FRMPD2: variants seen among roughly 807,000 people sequenced by gnomAD.
The protein encoded by FRMPD2 is FERM and PDZ domain-containing protein 2.
FRMPD2 carries 96 observed loss-of-function variants against 140.1 expected under a neutral mutation model. The observed-to-expected ratio is 0.69, with a 90% CI of 0.58 to 0.81. The LOEUF is 0.81. FRMPD2 is among the 40% of genes least tolerant of loss of function. The probability of loss-of-function intolerance (pLI) is 0.00; values close to 1 mark genes in which losing one functional copy is unlikely to be tolerated. For missense variants in FRMPD2, 1,240 were observed against 1,447.4 expected (o/e 0.86, Z 2.32); for synonymous variants, 449 against 547.6 (o/e 0.82, Z 2.52).
chr10:48,213,921 A>G (rs558428573), intron 12 of FRMPD2, among the ~76,000 whole-genome samples: 2 of 152,320 alleles, frequency 1.3e-5, no homozygotes, highest in East Asian at 1.9e-4. Context: ...GTCATATCCA[A>G]CTAAATCAGA....
chr10:48,249,267 A>G (rs1840323743), intron 2 of FRMPD2, 89 bp from the exon 3 acceptor site: 7 of 1,308,988 alleles, frequency 5.3e-6, no homozygotes, highest in African/African-American at 1.5e-5. Flanking sequence ...GCCTGGCAGT[A>G]CCCATCTCTG....
chr10:48,224,304 C>A (rs1839674923), intron 10 of FRMPD2, among the ~76,000 whole-genome samples: 1 of 152,192 alleles, frequency 6.6e-6, no homozygotes, highest in Non-Finnish European at 1.5e-5. Context: ...ACCACACACT[C>A]AAAGTGGCTC....
Position 48,240,386 on chromosome 10 carries a change from G to A in FRMPD2, c.674C>T (p.Ala225Val), listed in dbSNP as rs1226957209. Residue 225 changes from alanine (A) to valine (V), a missense_variant, in exon 6 of 29, where the codon GCC (alanine) becomes GTC (valine). By Grantham distance (64) the Ala-to-Val change is moderately conservative. Around this residue, in one of 6 missense-constraint regions of FRMPD2, gnomAD observed 1,161 missense variants for 1,055.9 expected, o/e 1.10. Coordinates refer to ENST00000374201, the MANE Select transcript of FRMPD2 (RefSeq NM_001018071.4). ...TCTGCAAGGATGCAGACACTCCGGG[G>A]CCTGTGCCGCTGGGCTCTCGCTGCT... ...GTSSESPAAQ[A>V]PECLHPCRVS... is the part of the protein sequence containing the mutation. 9 of 1,612,818 alleles carry A rather than the reference G, an allele frequency of 5.6e-6. No individual in the cohort carries two copies. Among genetic ancestry groups the A allele is most frequent in the Non-Finnish European group, 7.6e-6 (9 of 1,180,048 alleles).
chr10:48,188,413 T>C (rs1219824462), intron 16 of FRMPD2, among the ~76,000 whole-genome samples: 2 of 152,152 alleles, frequency 1.3e-5, no homozygotes, highest in Non-Finnish European at 2.9e-5. Flanking sequence ...TGGCGACAGA[T>C]GAGGCCTCAC....
intron 5 of FRMPD2, 86 bp downstream of exon 5, chr10:48,242,075 T>C (rs1840127216): frequency 2.1e-6 from 2 of 942,400 alleles, no homozygotes; most frequent in African/African-American, 1.7e-5. Flanking sequence ...TATTTTATTT[T>C]AGTTAATGAT....
chr10:48,206,642 T>C, intron 14 of FRMPD2, 106 bp downstream of exon 14: 2 of 805,546 alleles, frequency 2.5e-6, no homozygotes, highest in Non-Finnish European at 4.1e-6. Context: ...GTGAGAATGT[T>C]TGGTCAGGAG....
intron 1 of FRMPD2, among the ~76,000 whole-genome samples, chr10:48,267,748 G>T (rs1270738628): frequency 6.6e-6 from 1 of 152,126 alleles, no homozygotes; most frequent in Non-Finnish European, 1.5e-5. Flanking sequence ...ACTCAGTGTC[G>T]ATCAAGGGAT....
chr10:48,172,353 G>C (rs1393770248), intron 25 of FRMPD2, among the ~76,000 whole-genome samples: 1 of 147,642 alleles, frequency 6.8e-6, no homozygotes, highest in South Asian at 2.2e-4. Context: ...AAATCTCTAT[G>C]AAGGGACTAA....
At chr10:48,187,138 G>T (rs562480241) in intron 17 of FRMPD2, 54 bp downstream of exon 17, 108 of 1,230,528 alleles carry the variant, frequency 8.8e-5, no homozygotes, top group Non-Finnish European at 1.2e-4. Flanking sequence ...CTCAAAGCAA[G>T]CTTCCTGCGT....
rs10857552 is a variant in FRMPD2, at chr10:48,256,310, C to A, written c.26-4619G>T. On this transcript the variant is annotated intron_variant, in intron 1 of 28. Transcript: ENST00000374201. ...AGCTGCAGGGATCAGCCACCTCACC[C>A]GGGCGGCACACCGTATGCATTAGTT... Among the ~76,000 whole-genome samples the A allele has an allele frequency of 1.7e-4, 26 of 152,234 alleles. No individual in the cohort carries two copies. The East Asian group carries it at 5.0e-3, about 29-fold the overall frequency.
intron 12 of FRMPD2, among the ~76,000 whole-genome samples, chr10:48,212,529 AC>A (rs1244413404): frequency 6.6e-6 from 1 of 152,044 alleles, no homozygotes; most frequent in Non-Finnish European, 1.5e-5. Flanking sequence ...ACGATGCCAC[AC>A]CTTACCAAAA....
intron 12 of FRMPD2, among the ~76,000 whole-genome samples, chr10:48,216,128 G>A (rs188367699): frequency 6.6e-5 from 10 of 152,078 alleles, no homozygotes; most frequent in African/African-American, 2.2e-4. Flanking sequence ...TGGCCCTCCC[G>A]GGTTTACAGC....
At chr10:48,189,641 C>T (rs1276525444) in intron 16 of FRMPD2, among the ~76,000 whole-genome samples, 1 of 152,258 alleles carries the variant, frequency 6.6e-6, no homozygotes, top group Non-Finnish European at 1.5e-5. Context: ...GAATCCTCCA[C>T]ACCTGGCCCA....
At chr10:48,181,633 T>C (rs1208562096) in intron 20 of FRMPD2, among the ~76,000 whole-genome samples, 3 of 151,868 alleles carry the variant, frequency 2.0e-5, no homozygotes, top group African/African-American at 7.3e-5. Context: ...TGACCTGGCA[T>C]AGAACAAAGA....
intron 27 of FRMPD2, among the ~76,000 whole-genome samples, chr10:48,167,602 G>A (rs1265723196): frequency 2.5e-5 from 3 of 118,092 alleles, no homozygotes; most frequent in African/African-American, 9.7e-5. Context: ...GTTCTCAAGC[G>A]CAGGCCCCAT....
Position 48,238,123 on chromosome 10 carries a change from G to T in FRMPD2, c.789C>A (p.Arg263=), listed in dbSNP as rs762835115. The change falls in exon 8 of 29, where the codon CGC becomes CGA. Residue 263 remains arginine (R), a splice_region_variant and synonymous_variant. Coordinates refer to ENST00000374201, the MANE Select transcript of FRMPD2 (RefSeq NM_001018071.4). The part of the protein sequence containing the change: ...THSHCSLLVN[R]ALPGADPQDQ... ...CCTGGGGATCTGCTCCTGGAAGAGC[G>T]CTGGCCAGGGGTTGAGAAGGGGTGA... The T allele has an allele frequency of 6.2e-5, 99 of 1,609,192 alleles. 1 individual carries two copies. The Middle Eastern group carries it at 9.9e-4, about 16-fold the overall frequency.
At chr10:48,162,923 A>T (rs1837982327) in intron 28 of FRMPD2, among the ~76,000 whole-genome samples, 1 of 149,142 alleles carries the variant, frequency 6.7e-6, no homozygotes, top group Non-Finnish European at 1.5e-5. Context: ...ATCTTTAAAA[A>T]AAAAAAAAAA....
intron 1 of FRMPD2, among the ~76,000 whole-genome samples, chr10:48,262,345 T>C (rs1159197697): frequency 6.6e-6 from 1 of 152,196 alleles, no homozygotes; most frequent in Non-Finnish European, 1.5e-5. Flanking sequence ...GGAGTAACCA[T>C]CTTAACTTCA....
At chr10:48,195,807 A>T (rs933522036) in intron 15 of FRMPD2, among the ~76,000 whole-genome samples, 2 of 152,270 alleles carry the variant, frequency 1.3e-5, no homozygotes, top group Non-Finnish European at 2.9e-5. Flanking sequence ...AACATGTATT[A>T]ACCACTTCCC....
Sources: allele counts gnomAD v4.1 joint callset (sites outside exome capture counted in the v4.1 genomes callset), GRCh38; gene constraint gnomAD v4.1.1; regional missense constraint gnomAD v4.1.1; transcripts MANE v1.5; gene names NCBI Gene and HGNC (gene_info 2026-07-23, HGNC 2026-07-21).